SYN3: variants seen among roughly 807,000 people sequenced by gnomAD.
SYN3 encodes synapsin III.
In SYN3, 35 loss-of-function variants were observed where a neutral mutation model predicts 65.8. The ratio of observed to expected loss-of-function variants is 0.53; its 90% confidence interval spans 0.41 to 0.70. The LOEUF (loss-of-function observed/expected upper bound fraction) is 0.70. SYN3 is among the 30% of genes least tolerant of loss of function. The pLI is 0.00. For synonymous variants in SYN3, 270 were observed against 292.9 expected (o/e 0.92, Z 0.80); for missense variants, 680 against 749.0 (o/e 0.91, Z 1.08).
chr22:32,699,526 G>A (rs557467998), intron 6 of SYN3, among the ~76,000 whole-genome samples: 42 of 152,280 alleles, frequency 2.8e-4, no homozygotes, highest in African/African-American at 1.0e-3. Flanking sequence ...AGGGTGGTGT[G>A]TGTGCAGGGA....
At chr22:32,613,875 T>G (rs2059479885) in intron 6 of SYN3, among the ~76,000 whole-genome samples, 1 of 152,194 alleles carries the variant, frequency 6.6e-6, no homozygotes, top group African/African-American at 2.4e-5. Flanking sequence ...TCCTTCACCC[T>G]TCCTTCCACC....
At chr22:32,989,325 T>C (rs1297739893) in intron 2 of SYN3, among the ~76,000 whole-genome samples, 1 of 152,216 alleles carries the variant, frequency 6.6e-6, no homozygotes, top group Non-Finnish European at 1.5e-5. Flanking sequence ...GTTCATCTCT[T>C]TCCCTCCTGT....
chr22:32,667,304 T>C (rs2060301954), intron 6 of SYN3, among the ~76,000 whole-genome samples: 1 of 152,064 alleles, frequency 6.6e-6, no homozygotes, highest in African/African-American at 2.4e-5. Flanking sequence ...CCCTCCCTTT[T>C]CCCCTTTCTT....
intron 8 of SYN3, among the ~76,000 whole-genome samples, chr22:32,541,364 G>A (rs747381630): frequency 4.6e-5 from 7 of 152,316 alleles, no homozygotes; most frequent in Non-Finnish European, 8.8e-5. Context: ...GGAGGAAACA[G>A]CCCTTGCTTG....
At chr22:33,002,371 C>T (rs2053083970) in intron 2 of SYN3, among the ~76,000 whole-genome samples, 3 of 152,144 alleles carry the variant, frequency 2.0e-5, no homozygotes, top group Non-Finnish European at 2.9e-5. Context: ...GCACCAGGTG[C>T]GGTGGCTCAC....
chr22:32,697,888 G>C (rs1001517357), intron 6 of SYN3, among the ~76,000 whole-genome samples: 9 of 152,118 alleles, frequency 5.9e-5, no homozygotes, highest in Non-Finnish European at 1.3e-4. Flanking sequence ...TTGATACTCT[G>C]CCATCAGCAT....
chr22:32,934,444 T>A (rs1007945998), intron 3 of SYN3, among the ~76,000 whole-genome samples: 3 of 152,168 alleles, frequency 2.0e-5, no homozygotes, highest in African/African-American at 7.2e-5. Flanking sequence ...TATGAATAAT[T>A]ACAGGAGATA....
intron 6 of SYN3, among the ~76,000 whole-genome samples, chr22:32,718,699 T>G (rs2061073751): frequency 6.7e-6 from 1 of 149,400 alleles, no homozygotes; most frequent in Non-Finnish European, 1.5e-5. Flanking sequence ...ATGAAATAAC[T>G]CATTTTAAGT....
chr22:33,037,647 A>G (rs184884457), intron 1 of SYN3, among the ~76,000 whole-genome samples: 4 of 152,288 alleles, frequency 2.6e-5, no homozygotes, highest in Admixed American at 2.6e-4. Flanking sequence ...GAGACTCAGA[A>G]AGGTTCGGTA....
intron 6 of SYN3, among the ~76,000 whole-genome samples, chr22:32,814,944 T>A (rs767051999): frequency 1.3e-5 from 2 of 152,232 alleles, no homozygotes; most frequent in Non-Finnish European, 2.9e-5. Flanking sequence ...ATGTATAAAA[T>A]ATGACCATTT....
chr22:32,964,088 A>C lies in SYN3; in HGVS notation c.369+16557T>G, dbSNP rs182775755. 2.1e-3 allele frequency among the ~76,000 whole-genome samples: 313 copies of C among 152,050 alleles called. 2 individuals carry two copies. The highest frequency in any genetic ancestry group is 1.8e-3 in the Non-Finnish European group (121 of 67,990). ...CAGTTCCATTTTAAACAGGCCAAGA[A>C]CTCACCCATTAGCTCACGACATGAA... On this transcript the variant is annotated intron_variant, in intron 3 of 13. Transcript: ENST00000358763.
At chr22:32,584,536 G>A (rs2058995700) in intron 7 of SYN3, among the ~76,000 whole-genome samples, 1 of 152,092 alleles carries the variant, frequency 6.6e-6, no homozygotes, top group Non-Finnish European at 1.5e-5. Context: ...AAAGAAAAAA[G>A]GAAATCTTAT....
intron 6 of SYN3, among the ~76,000 whole-genome samples, chr22:32,705,451 A>C (rs920958011): frequency 6.6e-6 from 1 of 152,214 alleles, no homozygotes; most frequent in Non-Finnish European, 1.5e-5. Flanking sequence ...TGTTTTGGCT[A>C]CTGTAGCCTT....
At chr22:32,848,554 ACAGCCCTTC>A (rs1180244032) in intron 6 of SYN3, among the ~76,000 whole-genome samples, 1 of 152,190 alleles carries the variant, frequency 6.6e-6, no homozygotes, top group Non-Finnish European at 1.5e-5. Context: ...TTTCATTGGA[ACAGCCCTTC>A]CATGGTTAGC....
At chr22:32,649,853 G>A (rs2060036954) in intron 6 of SYN3, among the ~76,000 whole-genome samples, 1 of 152,164 alleles carries the variant, frequency 6.6e-6, no homozygotes, top group South Asian at 2.1e-4. Flanking sequence ...GGTGGTTTAG[G>A]ACAAATAATG....
At chr22:32,564,954 T>C (rs377401052) in intron 7 of SYN3, among the ~76,000 whole-genome samples, 598 of 52,582 alleles carry the variant, frequency 0.011, 8 homozygotes, top group African/African-American at 0.032. Flanking sequence ...ACAGTGCTCC[T>C]GGACTGCACC....
intron 7 of SYN3, among the ~76,000 whole-genome samples, chr22:32,560,880 C>G (rs958070316): frequency 1.3e-5 from 2 of 152,048 alleles, no homozygotes; most frequent in African/African-American, 4.8e-5. Flanking sequence ...GTGGCTTGAA[C>G]GAGGGTGGTA....
chr22:32,890,207 C>A (rs1355184050), intron 4 of SYN3, among the ~76,000 whole-genome samples: 1 of 149,604 alleles, frequency 6.7e-6, no homozygotes, highest in Non-Finnish European at 1.5e-5. Context: ...GCCTCCCAAG[C>A]AGCTGGGACT....
In SYN3 at chr22:32,527,960, C is replaced by A; in HGVS notation, c.1276G>T (p.Gly426Trp). The A allele has an allele frequency of 1.3e-6, 2 of 1,592,054 alleles. No homozygotes were observed. Among genetic ancestry groups the A allele is most frequent in the South Asian group, 1.1e-5 (1 of 87,910 alleles). The change falls in exon 12 of 14, where the codon GGG becomes TGG. Residue 426 changes from glycine to tryptophan, a missense_variant. Coordinates refer to ENST00000358763, the MANE Select transcript of SYN3 (RefSeq NM_003490.4). Reference protein sequence around the residue: ...SAKSPGQAQLGPQLGQPQPRP... With the variant: ...SAKSPGQAQLWPQLGQPQPRP... The stretch of plus-strand genomic sequence containing the variant: ...GGCTGGGGCTGGCCTAGCTGAGGCC[C>A]CAGCTGGGCTTGCCCTGGGGATTTC...
Sources: allele counts gnomAD v4.1 joint callset (sites outside exome capture counted in the v4.1 genomes callset), GRCh38; gene constraint gnomAD v4.1.1; transcripts MANE v1.5; gene names NCBI Gene and HGNC (gene_info 2026-07-23, HGNC 2026-07-21).